Variants in KATNAL2 observed in about 807,000 individuals in gnomAD.
KATNAL2 encodes katanin p60 ATPase-containing subunit A-like 2.
In KATNAL2, 52 loss-of-function variants were observed where a neutral mutation model predicts 76.3. The ratio of observed to expected loss-of-function variants is 0.68; its 90% CI spans 0.55 to 0.86. The LOEUF is 0.86. Among genes scored for constraint, KATNAL2 ranks in the 40% least tolerant of loss-of-function variants. The pLI is 0.00. For synonymous variants in KATNAL2, 243 were observed against 244.2 expected, an observed-to-expected ratio of 1.00 and a Z score of 0.05; for missense variants, 660 against 668.9, an observed-to-expected ratio of 0.99 and a Z score of 0.15.
At chr18:47,081,912 T>C (rs768924363) in intron 15 of KATNAL2, among the ~76,000 whole-genome samples, 4 of 152,194 alleles carry the variant, frequency 2.6e-5, no homozygotes, top group Admixed American at 1.3e-4. Context: ...ATACGTATCT[T>C]TAAAAAGAGG....
chr18:47,035,263 A>G (rs2060715328), intron 3 of KATNAL2: 4 of 1,612,524 alleles, frequency 2.5e-6, no homozygotes, highest in Non-Finnish European at 2.5e-6. Flanking sequence ...CCCTGCCGCC[A>G]TCTCACCAGA....
chr18:47,072,764 A>G (rs1483365398), intron 13 of KATNAL2, among the ~76,000 whole-genome samples: 1 of 152,226 alleles, frequency 6.6e-6, no homozygotes, highest in Non-Finnish European at 1.5e-5. Context: ...AAATACAAGT[A>G]GGAACATACT....
At chr18:47,039,101 T>C (rs1340355688) in intron 3 of KATNAL2, among the ~76,000 whole-genome samples, 1 of 152,222 alleles carries the variant, frequency 6.6e-6, no homozygotes, top group Non-Finnish European at 1.5e-5. Flanking sequence ...CTTCAAAATA[T>C]TGCATATAAT....
At chr18:46,939,817 T>C (rs1200012456) in intron 1 of KATNAL2, among the ~76,000 whole-genome samples, 5 of 152,230 alleles carry the variant, frequency 3.3e-5, no homozygotes, top group Non-Finnish European at 5.9e-5. Context: ...TACACTGGTC[T>C]CTGCCCTTTC....
rs1034766821 is a variant in KATNAL2, at chr18:47,048,071, T to G, written c.122+1544T>G. 2.0e-5 allele frequency among the ~76,000 whole-genome samples: 3 copies of G among 152,180 alleles called. No homozygotes were observed. In the East Asian group the frequency reaches 5.8e-4, roughly 29 times the overall value. ...ATTTGGCACTGCTTAGAGGTCTTTT[T>G]GGCTGTCACACTGGCATCTAGTGGG... On this transcript the variant is annotated intron_variant, in intron 4 of 17. Transcript: ENST00000683218.
chr18:47,038,932 C>T (rs1250943888), intron 3 of KATNAL2, among the ~76,000 whole-genome samples: 3 of 152,162 alleles, frequency 2.0e-5, no homozygotes, highest in African/African-American at 7.2e-5. Flanking sequence ...AAGTCTACTC[C>T]TGTAGTCACA....
intron 3 of KATNAL2, among the ~76,000 whole-genome samples, chr18:47,041,904 A>T (rs2060977853): frequency 6.6e-6 from 1 of 152,206 alleles, no homozygotes; most frequent in Admixed American, 6.5e-5. Context: ...CCATCCCAGT[A>T]AGTGTGCAGT....
intron 13 of KATNAL2, among the ~76,000 whole-genome samples, chr18:47,072,409 A>G (rs929342385): frequency 3.3e-5 from 5 of 152,156 alleles, no homozygotes; most frequent in African/African-American, 4.8e-5. Context: ...TATCTACGTT[A>G]GCATCAACAA....
Position 47,096,544 on chromosome 18 carries a change from T to C in KATNAL2, c.1212-2699T>C, listed in dbSNP as rs184061243. Among the ~76,000 whole-genome samples, 328 of 152,226 alleles carry C rather than the reference T, an allele frequency of 2.2e-3. 1 individual carries two copies. The highest frequency in any genetic ancestry group is 7.7e-3 in the African/African-American group (318 of 41,540). On this transcript the variant is annotated intron_variant, in intron 15 of 17. Transcript: ENST00000683218. ...GTGCAGAGACGGGGTCTCACTATGT[T>C]GCCCAGCATAGTCAGCGAATCTTCT... is the stretch of plus-strand genomic sequence containing the variant.
intron 8 of KATNAL2, among the ~76,000 whole-genome samples, chr18:47,060,793 T>A (rs1265447059): frequency 2.6e-5 from 4 of 152,164 alleles, no homozygotes; most frequent in Admixed American, 2.0e-4. Flanking sequence ...AGGGCCTCAC[T>A]TACATGGTAA....
intron 4 of KATNAL2, among the ~76,000 whole-genome samples, chr18:47,050,496 A>T (rs1011457714): frequency 9.9e-5 from 15 of 152,248 alleles, no homozygotes; most frequent in African/African-American, 2.7e-4. Context: ...AAACAAAAAG[A>T]TAAAAATAAA....
In KATNAL2 at chr18:47,034,769, C is replaced by T. The variant is rs939991772; in HGVS notation, c.52-11688C>T. The T allele has an allele frequency of 2.6e-5, 42 of 1,612,550 alleles. No homozygotes were observed. The highest frequency in any genetic ancestry group is 3.4e-5 in the Non-Finnish European group (40 of 1,179,748). The stretch of plus-strand genomic sequence containing the variant: ...CGCGTTGGAGAGGCCCGATAGCGGC[C>T]GGAATCAGCTGGGGCTATTCTGGGG... On this transcript the variant is annotated intron_variant, in intron 3 of 17. Coordinates refer to ENST00000683218, the MANE Select transcript of KATNAL2 (RefSeq NM_001387690.1).
chr18:46,947,079 C>G (rs1353769845), intron 3 of KATNAL2, among the ~76,000 whole-genome samples, 156 bp downstream of exon 3: 1 of 152,144 alleles, frequency 6.6e-6, no homozygotes, highest in Non-Finnish European at 1.5e-5. Flanking sequence ...GGTTAAATCC[C>G]GGGCTGGGCT....
At chr18:46,944,189 T>C (rs2059321737) in intron 1 of KATNAL2, among the ~76,000 whole-genome samples, 1 of 152,180 alleles carries the variant, frequency 6.6e-6, no homozygotes, top group African/African-American at 2.4e-5. Flanking sequence ...AAAGACAATT[T>C]CAAAGGTTAT....
intron 3 of KATNAL2, among the ~76,000 whole-genome samples, chr18:47,045,425 A>T (rs1277522610): frequency 6.6e-6 from 1 of 151,226 alleles, no homozygotes; most frequent in Non-Finnish European, 1.5e-5. Context: ...TTCCAGGTTC[A>T]AGTGGTTCTC....
chr18:47,053,054 C>T lies in KATNAL2; in HGVS notation c.289+8C>T. 1 of 1,577,810 alleles carries T rather than the reference C, an allele frequency of 6.3e-7. No individual in the cohort carries two copies. The highest frequency in any genetic ancestry group is 8.6e-7 in the Non-Finnish European group (1 of 1,164,120). On this transcript the variant is annotated splice_region_variant and intron_variant, in intron 5 of 17. Transcript: ENST00000683218. ...AAAAGTCATCAGACACAGGTACATG[C>T]CTATTTTCTAGAGATAAGGCTTTGT...
intron 10 of KATNAL2, among the ~76,000 whole-genome samples, chr18:47,065,830 A>G (rs1359297784): frequency 6.6e-6 from 1 of 152,020 alleles, no homozygotes; most frequent in Admixed American, 6.6e-5. Context: ...AATGAAAAAA[A>G]ATAGCTGGGC....
rs369476798 is a variant in KATNAL2 at position 47,060,224 on chromosome 18, T to C, written c.549+570T>C. Among the ~76,000 whole-genome samples, 9 of 152,266 alleles carry C rather than the reference T, an allele frequency of 5.9e-5. No individual in the cohort carries two copies. In the East Asian group the frequency reaches 1.4e-3, roughly 23 times the overall value. ...GTTGCCCAGGCTGGTTTCAAACTTC[T>C]AGCCTCAAGCAATCCTCCTGTCTGG... On this transcript the variant is annotated intron_variant, in intron 8 of 17. Transcript: ENST00000683218.
At position 47,063,990 on chromosome 18, in the gene KATNAL2, C is replaced by T. The variant is rs115501144; in HGVS notation, c.726+629C>T. On this transcript the variant is annotated intron_variant, in intron 10 of 17. Transcript: ENST00000683218. ...GGTATTTTTCTAATTTCTATTGCTTCATATTTAATTGAAGACTGAAACCTA... is the reference window on the plus strand; with the variant it reads ...GGTATTTTTCTAATTTCTATTGCTTTATATTTAATTGAAGACTGAAACCTA... Among the ~76,000 whole-genome samples, 670 of 152,268 alleles carry T rather than the reference C, an allele frequency of 4.4e-3. 4 individuals carry two copies. The highest frequency in any genetic ancestry group is 0.015 in the African/African-American group (610 of 41,544).
Sources: allele counts gnomAD v4.1 joint callset (sites outside exome capture counted in the v4.1 genomes callset), GRCh38; gene constraint gnomAD v4.1.1; transcripts MANE v1.5; gene names NCBI Gene and HGNC (gene_info 2026-07-23, HGNC 2026-07-21).